FGGY: variants seen among roughly 807,000 people sequenced by gnomAD.
FGGY encodes FGGY carbohydrate kinase domain containing.
FGGY carries 72 observed loss-of-function variants against 71.3 expected under a neutral mutation model. The ratio of observed to expected loss-of-function variants is 1.01; its 90% CI spans 0.84 to 1.23. The LOEUF is 1.23. FGGY is among the 50% of genes most tolerant of loss of function. FGGY has a pLI of 0.00. For missense variants in FGGY, 668 were observed against 682.3 expected, an observed-to-expected ratio of 0.98 and a Z score of 0.23; for synonymous variants, 251 against 250.3, an observed-to-expected ratio of 1.00 and a Z score of -0.02.
chr1:59,589,471 C>A (rs1187849687), intron 8 of FGGY, among the ~76,000 whole-genome samples: 1 of 152,108 alleles, frequency 6.6e-6, no homozygotes, highest in Non-Finnish European at 1.5e-5. Context: ...CACCCCAAAT[C>A]AACAGAATAT....
chr1:59,747,771 C>T (rs944293519), intron 14 of FGGY, among the ~76,000 whole-genome samples: 4 of 152,190 alleles, frequency 2.6e-5, no homozygotes, highest in Admixed American at 2.0e-4. Flanking sequence ...ATATAATGAC[C>T]ATAATTGAAT....
intron 7 of FGGY, among the ~76,000 whole-genome samples, chr1:59,541,434 C>G (rs2095438493): frequency 6.6e-6 from 1 of 152,094 alleles, no homozygotes; most frequent in African/African-American, 2.4e-5. Context: ...CAGGCCTGTA[C>G]AGAGCTGGAA....
chr1:59,410,431 G>A lies in FGGY; in HGVS notation c.554+31594G>A, dbSNP rs114305592. On this transcript the variant is annotated intron_variant, in intron 5 of 15. Coordinates refer to ENST00000303721, the MANE Select transcript of FGGY (RefSeq NM_018291.5). ...TGCCCACATCACACTACTAGTAAGT[G>A]GAGGAGTGAGGATTTGAACCTAAGA... Among the ~76,000 whole-genome samples the A allele has an allele frequency of 3.8e-3, 572 of 152,264 alleles. 4 individuals are homozygous for A. Among genetic ancestry groups the A allele is most frequent in the African/African-American group, 0.013 (535 of 41,552 alleles).
At chr1:59,533,055 A>G (rs1355844232) in intron 7 of FGGY, among the ~76,000 whole-genome samples, 1 of 152,232 alleles carries the variant, frequency 6.6e-6, no homozygotes, top group Non-Finnish European at 1.5e-5. Flanking sequence ...AGCTTGAGCG[A>G]CACAGCAGAC....
In FGGY at chr1:59,530,585, C is replaced by T. The variant is rs549347540; in HGVS notation, c.799+18146C>T. On this transcript the variant is annotated intron_variant, in intron 7 of 15. Transcript: ENST00000303721. ...AAGTTAGTAAAATTCCCTCCCCTTC[C>T]CCCAAAAATGATTGGTTTGACACTT... Among the ~76,000 whole-genome samples the T allele has an allele frequency of 2.6e-5, 4 of 152,196 alleles. No homozygotes were observed. The South Asian group carries it at 8.3e-4, about 32-fold the overall frequency.
At chr1:59,305,781 G>T (rs1026789997) in intron 1 of FGGY, among the ~76,000 whole-genome samples, 3 of 152,138 alleles carry the variant, frequency 2.0e-5, no homozygotes, top group Non-Finnish European at 4.4e-5. Context: ...CCTTTTTGGT[G>T]CTTCTGCCTC....
chr1:59,375,879 G>GTT (rs770578651), intron 4 of FGGY, among the ~76,000 whole-genome samples: 1,521 of 99,298 alleles, frequency 0.015, 43 homozygotes, highest in African/African-American at 0.024. Context: ...ATCTAAAGTA[G>GTT]TTTTTTTTTT....
At chr1:59,722,040 T>G (rs1244537260) in intron 14 of FGGY, among the ~76,000 whole-genome samples, 1 of 152,236 alleles carries the variant, frequency 6.6e-6, no homozygotes, top group Non-Finnish European at 1.5e-5. Flanking sequence ...TAGCATCCCT[T>G]CCAGGACACC....
intron 8 of FGGY, among the ~76,000 whole-genome samples, chr1:59,593,411 C>T (rs954385011): frequency 1.3e-5 from 2 of 152,200 alleles, no homozygotes; most frequent in Admixed American, 6.5e-5. Flanking sequence ...AGAGGTCTGA[C>T]ATTTTATTTT....
At position 59,452,202 on chromosome 1, in the gene FGGY, A is replaced by G. The variant is rs1209849660; in HGVS notation, c.555-4759A>G. 6.6e-5 allele frequency among the ~76,000 whole-genome samples: 10 copies of G among 151,724 alleles called. No individual in the cohort carries two copies. The East Asian group carries it at 1.7e-3, about 27-fold the overall frequency. On this transcript the variant is annotated intron_variant, in intron 5 of 15. Transcript: ENST00000303721. ...CAAGCCTCTTATCTCTTCCATCATT[A>G]TGTCAATCTCTTTGTATCTTTGCTA...
intron 5 of FGGY, among the ~76,000 whole-genome samples, chr1:59,385,210 T>C (rs987990074): frequency 9.9e-5 from 15 of 152,116 alleles, no homozygotes; most frequent in African/African-American, 3.6e-4. Context: ...TTACCCATTC[T>C]CCCCTTTTAT....
chr1:59,438,526 C>A (rs2069018865), intron 5 of FGGY, among the ~76,000 whole-genome samples: 1 of 152,168 alleles, frequency 6.6e-6, no homozygotes, highest in South Asian at 2.1e-4. Context: ...ATTGTGACAA[C>A]TTTTCTAAAC....
At chr1:59,703,896 G>T (rs757559024) in intron 14 of FGGY, among the ~76,000 whole-genome samples, 1 of 152,176 alleles carries the variant, frequency 6.6e-6, no homozygotes, top group Non-Finnish European at 1.5e-5. Context: ...TCCAATGTGC[G>T]CCCATTGGAC....
chr1:59,399,877 G>A (rs574932303), intron 5 of FGGY, among the ~76,000 whole-genome samples: 131 of 152,314 alleles, frequency 8.6e-4, no homozygotes, highest in Admixed American at 2.3e-3. Context: ...GTCTAGAAGT[G>A]TATAGATGCT....
At chr1:59,433,772 C>A (rs2067864780) in intron 5 of FGGY, among the ~76,000 whole-genome samples, 3 of 152,180 alleles carry the variant, frequency 2.0e-5, no homozygotes, top group Admixed American at 1.3e-4. Flanking sequence ...ATGATTTTCC[C>A]ACCGTCTAAG....
chr1:59,653,124 C>T (rs1001292994), intron 11 of FGGY, among the ~76,000 whole-genome samples: 3 of 152,218 alleles, frequency 2.0e-5, no homozygotes, highest in African/African-American at 7.2e-5. Context: ...AGATCTCCAG[C>T]TGCGTGCTGG....
intron 5 of FGGY, among the ~76,000 whole-genome samples, chr1:59,456,323 AT>A (rs927134737): frequency 2.0e-5 from 3 of 152,146 alleles, no homozygotes; most frequent in African/African-American, 7.2e-5. Flanking sequence ...AAATTTCATA[AT>A]TTTTTTATCA....
At chr1:59,559,802 T>G (rs1477462987) in intron 8 of FGGY, among the ~76,000 whole-genome samples, 1 of 152,252 alleles carries the variant, frequency 6.6e-6, no homozygotes, top group East Asian at 1.9e-4. Flanking sequence ...AGCAGTAAAA[T>G]GAAGTATTAT....
Position 59,454,205 on chromosome 1 carries a change from T to G in FGGY, c.555-2756T>G, listed in dbSNP as rs962311756. Reference sequence around the variant, plus strand: ...AGGCCCAGCACTCTACAGACAAGAATGGGACATCTGGGGATTTAGGAGTTA... The same window carrying G: ...AGGCCCAGCACTCTACAGACAAGAAGGGGACATCTGGGGATTTAGGAGTTA... On this transcript the variant is annotated intron_variant, in intron 5 of 15. Transcript: ENST00000303721. 1.3e-4 allele frequency among the ~76,000 whole-genome samples: 19 copies of G among 151,896 alleles called. No individual in the cohort carries two copies. The East Asian group carries it at 3.7e-3, about 30-fold the overall frequency.
Sources: gnomAD v4.1 joint callset for allele counts (sites outside exome capture counted in the v4.1 genomes callset) on GRCh38, gnomAD v4.1.1 for gene constraint, MANE v1.5 for transcripts, NCBI Gene and HGNC (gene_info 2026-07-23, HGNC 2026-07-21) for gene names.